Variants in KL observed in about 807,000 individuals in gnomAD.
The protein encoded by KL is alpha-klotho.
In KL, 62 loss-of-function variants were observed where a neutral mutation model predicts 84.2. The ratio of observed to expected loss-of-function variants is 0.74; its 90% CI spans 0.60 to 0.91. KL has a LOEUF of 0.91. Ranked by LOEUF, KL falls within the 40% of genes least tolerant of loss-of-function variation. KL has a pLI of 0.00. For synonymous variants in KL, 528 were observed against 528.0 expected, an observed-to-expected ratio of 1.00 and a Z score of 0.00; for missense variants, 1,261 against 1,305.7, an observed-to-expected ratio of 0.97 and a Z score of 0.53.
intron 1 of KL, among the ~76,000 whole-genome samples, chr13:33,039,824 GGCTGTA>G (rs1296181456): frequency 1.3e-5 from 2 of 152,146 alleles, no homozygotes; most frequent in African/African-American, 4.8e-5. Context: ...AAACTGACCT[GGCTGTA>G]GCAAAACAGC....
chr13:33,016,836 C>A lies in KL; in HGVS notation c.396C>A (p.Val132=). Reference sequence around the variant, plus strand: ...TAGCCAGCGACAGCTACAACAACGTCTTCCGCGACACGGAGGCGCTGCGCG... The same window carrying A: ...TAGCCAGCGACAGCTACAACAACGTATTCCGCGACACGGAGGCGCTGCGCG... ...GDVASDSYNN[V]FRDTEALREL... is the part of the protein sequence containing the mutation. Residue 132 remains valine, a synonymous_variant, in exon 1 of 5, where the codon GTC becomes GTA. Transcript: ENST00000380099. The A allele has an allele frequency of 6.2e-7, 1 of 1,612,956 alleles. No homozygotes were observed. The highest frequency in any genetic ancestry group is 8.5e-7 in the Non-Finnish European group (1 of 1,179,824).
At chr13:33,061,866 A>C in intron 4 of KL, 86 bp downstream of exon 4, 1 of 1,356,384 alleles carries the variant, frequency 7.4e-7, no homozygotes, top group Non-Finnish European at 1.0e-6. Flanking sequence ...ATCAACACAC[A>C]CTGCCACCCT....
At chr13:33,058,046 T>C (rs888368252) in intron 3 of KL, among the ~76,000 whole-genome samples, 1 of 152,192 alleles carries the variant, frequency 6.6e-6, no homozygotes, top group African/African-American at 2.4e-5. Context: ...CTCATTCACA[T>C]GGATTGTCAC....
chr13:33,061,397 T>G lies in KL; in HGVS notation c.2318T>G (p.Val773Gly). Residue 773 changes from valine to glycine, a missense_variant, in exon 4 of 5, where the codon GTG becomes GGG. Coordinates refer to ENST00000380099, the MANE Select transcript of KL (RefSeq NM_004795.4). ...PIFGSGDYPW[V>G]MRDWLNQRNN... ...TTCGGCTCTGGAGATTATCCATGGG[T>G]GATGAGGGACTGGCTGAACCAAAGA... 1.2e-6 allele frequency: 2 copies of G among 1,614,126 alleles called. No individual in the cohort carries two copies. Among genetic ancestry groups the G allele is most frequent in the Non-Finnish European group, 1.7e-6 (2 of 1,180,024 alleles).
rs541457800 is a variant in KL, at chr13:33,039,991, G to A, written c.820-13776G>A. On this transcript the variant is annotated intron_variant, in intron 1 of 4. Coordinates refer to ENST00000380099, the MANE Select transcript of KL (RefSeq NM_004795.4). Reference sequence around the variant, plus strand: ...CCAAAGCAGGTAGGGGTGCCAAGCTGCTGCCTGTTCACACATATTCGTCTA... The same window carrying A: ...CCAAAGCAGGTAGGGGTGCCAAGCTACTGCCTGTTCACACATATTCGTCTA... 5.4e-4 allele frequency among the ~76,000 whole-genome samples: 83 copies of A among 152,296 alleles called. No individual in the cohort carries two copies. In the Middle Eastern group the frequency reaches 0.017, roughly 31 times the overall value.
chr13:33,026,863 A>T (rs1870796948), intron 1 of KL, among the ~76,000 whole-genome samples: 1 of 151,924 alleles, frequency 6.6e-6, no homozygotes, highest in Non-Finnish European at 1.5e-5. Context: ...GGGTTGTTTG[A>T]CCTCACATAA....
Position 33,060,579 on chromosome 13 carries a change from T to C in KL, c.1600-100T>C, listed in dbSNP as rs185300485. ...ACATTCTCAGCTAGAAAGGCTTCTA[T>C]TTTTGCTCATATTCCTGGCTAGTTT... is the stretch of plus-strand genomic sequence containing the variant. On this transcript the variant is annotated intron_variant, in intron 3 of 4. Transcript: ENST00000380099. 4 of 1,326,358 alleles carry C rather than the reference T, an allele frequency of 3.0e-6. No homozygotes were observed. The African/African-American group carries it at 4.3e-5, about 14-fold the overall frequency. The allele number at this position is 1,326,358 out of a possible 1,614,324, so 82.2% of individuals were successfully genotyped here.
chr13:33,017,723 G>A (rs1204128350), intron 1 of KL, among the ~76,000 whole-genome samples: 1 of 152,312 alleles, frequency 6.6e-6, no homozygotes, highest in Non-Finnish European at 1.5e-5. Flanking sequence ...TGTGGCACAA[G>A]TTCACACTGT....
intron 4 of KL, among the ~76,000 whole-genome samples, chr13:33,062,692 A>AG (rs1872255737): frequency 6.6e-6 from 1 of 151,592 alleles, no homozygotes; most frequent in Non-Finnish European, 1.5e-5. Context: ...AAAAAAAAAA[A>AG]AAGGATTTAA....
rs773691984 is a variant in KL at position 33,055,054 on chromosome 13, G to T, written c.1338G>T (p.Lys446Asn). 7 of 1,614,170 alleles carry T rather than the reference G, an allele frequency of 4.3e-6. No homozygotes were observed. The South Asian group carries it at 5.5e-5, about 13-fold the overall frequency. The change falls in exon 3 of 5, where the codon AAG (lysine) becomes AAT (asparagine). Residue 446 changes from lysine (K) to asparagine (N), a missense_variant. Lys to Asn is a moderately conservative substitution (Grantham distance 94). Transcript: ENST00000380099. Reference protein sequence around the residue: ...KFIMETLKAIKLDGVDVIGYT... With the variant: ...KFIMETLKAINLDGVDVIGYT... ...CCCCTCTTCCCTTTGCAGCCATCAA[G>T]CTGGATGGGGTGGATGTCATCGGGT...
intron 1 of KL, among the ~76,000 whole-genome samples, chr13:33,035,875 C>CAAG (rs1871133243): frequency 6.6e-6 from 1 of 152,120 alleles, no homozygotes; most frequent in Admixed American, 6.6e-5. Flanking sequence ...ATTAATGAAG[C>CAAG]AAGAAGCTCA....
intron 1 of KL, among the ~76,000 whole-genome samples, chr13:33,042,092 T>C (rs1237977425): frequency 2.6e-5 from 4 of 152,196 alleles, no homozygotes; most frequent in Admixed American, 6.5e-5. Flanking sequence ...AACAGATTAC[T>C]GTAGTAGTTT....
Position 33,016,957 on chromosome 13 carries a change from T to C in KL, c.517T>C (p.Tyr173His). The change falls in exon 1 of 5, where the codon TAC (tyrosine) becomes CAC (histidine). Residue 173 changes from tyrosine (Y) to histidine (H), a missense_variant. Tyr to His is a moderately conservative substitution (Grantham distance 83). Coordinates refer to ENST00000380099, the MANE Select transcript of KL (RefSeq NM_004795.4). ...GVPNREGLRYYRRLLERLREL... is the reference protein window; with the variant it reads ...GVPNREGLRYHRRLLERLREL... ...CCCCAACCGCGAGGGGCTGCGCTAC[T>C]ACCGGCGCCTGCTGGAGCGGCTGCG... The C allele has an allele frequency of 1.2e-6, 2 of 1,603,192 alleles. No homozygotes were observed. The highest frequency in any genetic ancestry group is 1.7e-6 in the Non-Finnish European group (2 of 1,176,572).
chr13:33,059,620 G>A (rs1205990475), intron 3 of KL, among the ~76,000 whole-genome samples: 2 of 151,980 alleles, frequency 1.3e-5, no homozygotes, highest in Non-Finnish European at 2.9e-5. Context: ...TTACAGGTGT[G>A]CACCACCACA....
chr13:33,062,346 A>G lies in KL; in HGVS notation c.2701+566A>G, dbSNP rs532491550. Among the ~76,000 whole-genome samples, 9 of 151,544 alleles carry G rather than the reference A, an allele frequency of 5.9e-5. No individual in the cohort carries two copies. The South Asian group carries it at 6.3e-4, about 11-fold the overall frequency. Reference sequence around the variant, plus strand: ...AGTGAATCATGATCACAGCACTGCAATCTGGCCTGGGTGACAGAGCAAGAC... The same window carrying G: ...AGTGAATCATGATCACAGCACTGCAGTCTGGCCTGGGTGACAGAGCAAGAC... On this transcript the variant is annotated intron_variant, in intron 4 of 4. Coordinates refer to ENST00000380099, the MANE Select transcript of KL (RefSeq NM_004795.4).
intron 1 of KL, among the ~76,000 whole-genome samples, chr13:33,017,504 T>C (rs1261779244): frequency 1.3e-5 from 2 of 152,126 alleles, no homozygotes; most frequent in Non-Finnish European, 2.9e-5. Flanking sequence ...GAAGCGGTGA[T>C]AGGTTTCCGC....
chr13:33,057,690 G>A (rs1285882362), intron 3 of KL, among the ~76,000 whole-genome samples: 1 of 152,124 alleles, frequency 6.6e-6, no homozygotes, highest in Non-Finnish European at 1.5e-5. Flanking sequence ...TTCTCTGGAA[G>A]CTCCCTGGTG....
rs148539957 is a variant in KL at position 33,029,866 on chromosome 13, C to A, written c.819+12607C>A. Among the ~76,000 whole-genome samples, 627 of 152,152 alleles carry A rather than the reference C, an allele frequency of 4.1e-3. 5 individuals carry two copies. The highest frequency in any genetic ancestry group is 0.014 in the African/African-American group (602 of 41,520). The stretch of plus-strand genomic sequence containing the variant: ...GTCGGGATGGTCTCGATCTCCTGAC[C>A]TTGTGATCCACTCACCTCGGCCTCC... On this transcript the variant is annotated intron_variant, in intron 1 of 4. Coordinates refer to ENST00000380099, the MANE Select transcript of KL (RefSeq NM_004795.4).
chr13:33,064,865 G>A lies in KL; in HGVS notation c.*679G>A, dbSNP rs754586056. 1 of 228,678 alleles carries A rather than the reference G, an allele frequency of 4.4e-6. No homozygotes were observed. The highest frequency in any genetic ancestry group is 8.7e-6 in the Non-Finnish European group (1 of 115,218). The allele number at this position is 228,678 out of a possible 1,614,324, so 14.2% of individuals were successfully genotyped here. On this transcript the variant is annotated 3_prime_UTR_variant, in exon 5 of 5. Transcript: ENST00000380099. ...TAAACCCTGTGTCCCTGAGGGATCT[G>A]TCTCACTGGCATCTTGTTGAGGGCC...
Sources: allele counts gnomAD v4.1 joint callset (sites outside exome capture counted in the v4.1 genomes callset), GRCh38; gene constraint gnomAD v4.1.1; transcripts MANE v1.5; gene names NCBI Gene and HGNC (gene_info 2026-07-23, HGNC 2026-07-21).